Variants in MEI4 observed in about 807,000 individuals in gnomAD.
MEI4 encodes the protein meiosis-specific protein MEI4.
A neutral mutation model predicts 31.4 loss-of-function variants in MEI4; 27 were observed. That is an observed-to-expected ratio of 0.86 (90% CI 0.63 to 1.19). The LOEUF (loss-of-function observed/expected upper bound fraction) is 1.19, where lower values mean the gene tolerates loss of function less well. Ranked by LOEUF, MEI4 falls within the 50% of genes most tolerant of loss-of-function variation. The probability of loss-of-function intolerance (pLI) is 0.00; values close to 1 mark genes in which losing one functional copy is unlikely to be tolerated. For missense variants in MEI4, 329 were observed against 398.9 expected (o/e 0.82, Z 1.49); for synonymous variants, 122 against 145.4 (o/e 0.84, Z 1.16).
rs1364913081 is a variant in MEI4, at chr6:77,761,299, T to C, written c.402T>C (p.Pro134=). 3.2e-6 allele frequency: 4 copies of C among 1,232,524 alleles called. No individual in the cohort carries two copies. Among genetic ancestry groups the C allele is most frequent in the Admixed American group, 4.2e-5 (1 of 23,696 alleles). 76.3% of individuals were successfully genotyped at this position (1,232,524 alleles called of 1,614,324 possible). ...SCTPTHFPPL[P]LVKRPCAILQ... is the part of the protein sequence containing the mutation. ...CCCCCACTCACTTTCCACCACTGCCTCTTGTGAAAAGACCTTGTGCTATCC... is the reference window on the plus strand; with the variant it reads ...CCCCCACTCACTTTCCACCACTGCCCCTTGTGAAAAGACCTTGTGCTATCC... The change falls in exon 3 of 5, where the codon CCT becomes CCC. Residue 134 remains proline (P), a synonymous_variant. Transcript: ENST00000684080.
At chr6:77,754,177 A>G (rs891722572) in intron 2 of MEI4, among the ~76,000 whole-genome samples, 1 of 152,072 alleles carries the variant, frequency 6.6e-6, no homozygotes, top group Admixed American at 6.6e-5. Flanking sequence ...GGTGCAGCAA[A>G]CCACCATGGC....
At chr6:77,796,799 A>G (rs1769089460) in intron 3 of MEI4, among the ~76,000 whole-genome samples, 1 of 152,218 alleles carries the variant, frequency 6.6e-6, no homozygotes, top group Non-Finnish European at 1.5e-5. Context: ...ATCCACATTA[A>G]AATTCCAAAG....
At chr6:77,889,256 G>T (rs1348473634) in intron 4 of MEI4, among the ~76,000 whole-genome samples, 1 of 152,110 alleles carries the variant, frequency 6.6e-6, no homozygotes, top group African/African-American at 2.4e-5. Context: ...AGGAAGATGT[G>T]GGAAAGTTTG....
In MEI4 at chr6:77,760,412, CTACACTT is replaced by C. The variant is rs1395174074; in HGVS notation, c.233-713_233-707del. On this transcript the variant is annotated intron_variant, in intron 2 of 4. Coordinates refer to ENST00000684080, the MANE Select transcript of MEI4 (RefSeq NM_001322247.2). ...TTACAGGATGAATTGTAAATTCACT[CTACACTT>C]TACAGGATGAAGGTTCTTAACATGT... is the stretch of plus-strand genomic sequence containing the variant. 2.6e-5 allele frequency among the ~76,000 whole-genome samples: 4 copies of C among 151,710 alleles called. No individual in the cohort carries two copies. In the East Asian group the frequency reaches 7.7e-4, roughly 29 times the overall value.
intron 4 of MEI4, among the ~76,000 whole-genome samples, chr6:77,845,610 A>C (rs117991610): frequency 6.6e-6 from 1 of 151,786 alleles, no homozygotes; most frequent in Non-Finnish European, 1.5e-5. Context: ...TTTATTTGGG[A>C]TATTTCTTTT....
chr6:77,733,500 TATTTG>T (rs1767079084), intron 2 of MEI4, among the ~76,000 whole-genome samples: 1 of 152,156 alleles, frequency 6.6e-6, no homozygotes, highest in African/African-American at 2.4e-5. Context: ...TTATTGTGTC[TATTTG>T]ATTCTTCTCT....
At chr6:77,738,539 G>A (rs1351213373) in intron 2 of MEI4, among the ~76,000 whole-genome samples, 1 of 152,124 alleles carries the variant, frequency 6.6e-6, no homozygotes, top group African/African-American at 2.4e-5. Flanking sequence ...TGTAAATAGT[G>A]CTGCAATAAA....
intron 1 of MEI4, among the ~76,000 whole-genome samples, chr6:77,679,568 G>C (rs963609922): frequency 2.0e-5 from 3 of 152,094 alleles, no homozygotes; most frequent in African/African-American, 7.2e-5. Context: ...ATTATGGGAT[G>C]CATGATTATA....
intron 4 of MEI4, among the ~76,000 whole-genome samples, chr6:77,875,761 T>C (rs1224952920): frequency 6.6e-6 from 1 of 152,180 alleles, no homozygotes; most frequent in East Asian, 1.9e-4. Flanking sequence ...GAAATGCATA[T>C]TACATGGTAA....
rs532416111 is a variant in MEI4 at position 77,867,616 on chromosome 6, G to A, written c.900+38554G>A. Among the ~76,000 whole-genome samples, 25 of 152,312 alleles carry A rather than the reference G, an allele frequency of 1.6e-4. No homozygotes were observed. The East Asian group carries it at 3.5e-3, about 21-fold the overall frequency. On this transcript the variant is annotated intron_variant, in intron 4 of 4. Coordinates refer to ENST00000684080, the MANE Select transcript of MEI4 (RefSeq NM_001322247.2). ...AAATAGGAACACTTTTACACTGTTG[G>A]TGGTACTTTAAACTAGTTCAACCAT...
upstream of MEI4, among the ~76,000 whole-genome samples, chr6:77,652,472 TGG>T (rs777269817): frequency 2.6e-5 from 4 of 152,208 alleles, no homozygotes; most frequent in Non-Finnish European, 4.4e-5. Context: ...TTTTTAAAGC[TGG>T]GAGCAACCTG....
intron 4 of MEI4, among the ~76,000 whole-genome samples, chr6:77,909,627 G>A (rs1192910660): frequency 1.3e-5 from 2 of 152,038 alleles, no homozygotes; most frequent in Non-Finnish European, 2.9e-5. Flanking sequence ...TCTACCAGAC[G>A]TACAAGGAGG....
chr6:77,794,908 T>C (rs1769037741), intron 3 of MEI4, among the ~76,000 whole-genome samples: 1 of 152,198 alleles, frequency 6.6e-6, no homozygotes, highest in African/African-American at 2.4e-5. Flanking sequence ...ACAACAGTAG[T>C]ATAAAGTTAG....
At chr6:77,838,062 A>G (rs1770265649) in intron 4 of MEI4, among the ~76,000 whole-genome samples, 2 of 152,094 alleles carry the variant, frequency 1.3e-5, no homozygotes, top group Non-Finnish European at 2.9e-5. Flanking sequence ...CTGTTAGCTG[A>G]TATTATTATT....
chr6:77,839,572 C>A (rs188439681), intron 4 of MEI4, among the ~76,000 whole-genome samples: 3 of 152,188 alleles, frequency 2.0e-5, no homozygotes, highest in East Asian at 3.9e-4. Context: ...CTGTGTATAA[C>A]CCAGGCAAAC....
At chr6:77,827,144 AG>A (rs1769972324) in intron 3 of MEI4, among the ~76,000 whole-genome samples, 1 of 151,936 alleles carries the variant, frequency 6.6e-6, no homozygotes, top group South Asian at 2.1e-4. Flanking sequence ...GCAGATCACG[AG>A]GTTAGGAGAT....
At chr6:77,677,048 T>G (rs917144625) in intron 1 of MEI4, among the ~76,000 whole-genome samples, 1 of 152,204 alleles carries the variant, frequency 6.6e-6, no homozygotes, top group Non-Finnish European at 1.5e-5. Flanking sequence ...AGAGGCAAAT[T>G]ATGTGGGCTT....
chr6:77,810,570 C>A (rs1444601386), intron 3 of MEI4, among the ~76,000 whole-genome samples: 1 of 152,122 alleles, frequency 6.6e-6, no homozygotes. Flanking sequence ...CTTGTTTGAA[C>A]ATTGATGTTA....
In MEI4 at chr6:77,857,063, C is replaced by T. The variant is rs116134682; in HGVS notation, c.900+28001C>T. On this transcript the variant is annotated intron_variant, in intron 4 of 4. Coordinates refer to ENST00000684080, the MANE Select transcript of MEI4 (RefSeq NM_001322247.2). ...AGCCGCAAATTTTTCTTTCTAGAAT[C>T]CATTATTTTTCTATTTTCTGGAGTA... 8.4e-3 allele frequency among the ~76,000 whole-genome samples: 1,276 copies of T among 152,116 alleles called. 15 individuals carry two copies. The highest frequency in any genetic ancestry group is 0.028 in the African/African-American group (1,157 of 41,506).
Sources: allele counts gnomAD v4.1 joint callset (sites outside exome capture counted in the v4.1 genomes callset), GRCh38; gene constraint gnomAD v4.1.1; transcripts MANE v1.5; gene names NCBI Gene and HGNC (gene_info 2026-07-23, HGNC 2026-07-21).